The following CNTN4 variants were observed in gnomAD, a reference collection of about 807,000 sequenced individuals.
CNTN4 encodes contactin-4.
CNTN4 carries 77 observed loss-of-function variants against 122.5 expected under a neutral mutation model. That is an observed-to-expected ratio of 0.63 (90% confidence interval 0.52 to 0.76). CNTN4 has a LOEUF of 0.76. CNTN4 is among the 30% of genes least tolerant of loss of function. The pLI is 0.00. For missense variants in CNTN4, 1,256 were observed against 1,259.1 expected (o/e 1.00, Z 0.04); for synonymous variants, 512 against 447.0 (o/e 1.15, Z -1.83).
intron 7 of CNTN4, among the ~76,000 whole-genome samples, chr3:2,824,397 C>T (rs987843661): frequency 5.9e-5 from 9 of 151,592 alleles, no homozygotes; most frequent in Admixed American, 3.9e-4. Flanking sequence ...GTGGAGGTTG[C>T]GGTGAGTGGA....
intron 2 of CNTN4, among the ~76,000 whole-genome samples, chr3:2,223,415 A>G (rs2039141983): frequency 6.6e-6 from 1 of 152,122 alleles, no homozygotes; most frequent in African/African-American, 2.4e-5. Context: ...ATAAGCCCTT[A>G]ACTCAGTGTC....
At chr3:2,254,592 G>A (rs544426155) in intron 2 of CNTN4, among the ~76,000 whole-genome samples, 6 of 152,250 alleles carry the variant, frequency 3.9e-5, no homozygotes, top group South Asian at 4.1e-4. Context: ...TCTAACTGGC[G>A]TGAGATGGTA....
At position 2,376,001 on chromosome 3, in the gene CNTN4, C is replaced by G. The variant is rs574953273; in HGVS notation, c.-89+36768C>G. 2.6e-5 allele frequency among the ~76,000 whole-genome samples: 4 copies of G among 152,090 alleles called. No individual in the cohort carries two copies. In the East Asian group the frequency reaches 5.8e-4, roughly 22 times the overall value. On this transcript the variant is annotated intron_variant, in intron 3 of 24. Transcript: ENST00000418658. Reference sequence around the variant, plus strand: ...TATTTTTCTTTCTTCTCTGACTTTGCCATTTATTGAAGCATAGACGGGTGC... The same window carrying G: ...TATTTTTCTTTCTTCTCTGACTTTGGCATTTATTGAAGCATAGACGGGTGC...
intron 2 of CNTN4, among the ~76,000 whole-genome samples, chr3:2,116,003 C>G (rs1275723430): frequency 6.6e-6 from 1 of 152,152 alleles, no homozygotes; most frequent in Non-Finnish European, 1.5e-5. Context: ...AGACTTAAAT[C>G]TTTCTCGAAG....
intron 4 of CNTN4, among the ~76,000 whole-genome samples, chr3:2,652,506 T>C (rs922735295): frequency 2.6e-5 from 4 of 152,256 alleles, no homozygotes; most frequent in Non-Finnish European, 2.9e-5. Flanking sequence ...GGGCATGGCA[T>C]TGAAACTGAA....
At chr3:2,318,488 C>G (rs1376580459) in intron 2 of CNTN4, among the ~76,000 whole-genome samples, 1 of 152,126 alleles carries the variant, frequency 6.6e-6, no homozygotes, top group Non-Finnish European at 1.5e-5. Flanking sequence ...TTCATTGAAG[C>G]ATTTGTATAA....
chr3:3,007,655 A>G (rs1191406659), intron 14 of CNTN4, among the ~76,000 whole-genome samples: 1 of 152,174 alleles, frequency 6.6e-6, no homozygotes. Context: ...TACCCTATTA[A>G]AAAGAGAGAA....
At chr3:2,326,138 C>G (rs906464935) in intron 2 of CNTN4, among the ~76,000 whole-genome samples, 3 of 152,078 alleles carry the variant, frequency 2.0e-5, no homozygotes, top group Admixed American at 2.0e-4. Flanking sequence ...GTTGCTTTCC[C>G]AAATGTGGGT....
At chr3:2,674,656 G>A (rs1044783268) in intron 4 of CNTN4, among the ~76,000 whole-genome samples, 2 of 152,148 alleles carry the variant, frequency 1.3e-5, no homozygotes, top group Non-Finnish European at 2.9e-5. Flanking sequence ...TACTGGGGAG[G>A]TGGAGGCAGG....
intron 13 of CNTN4, among the ~76,000 whole-genome samples, chr3:2,953,013 A>T (rs2094762094): frequency 6.6e-6 from 1 of 152,232 alleles, no homozygotes; most frequent in African/African-American, 2.4e-5. Flanking sequence ...AAGCTCATCA[A>T]CATCAACTAA....
At chr3:2,548,896 C>T (rs993714826) in intron 3 of CNTN4, among the ~76,000 whole-genome samples, 1 of 151,990 alleles carries the variant, frequency 6.6e-6, no homozygotes, top group Non-Finnish European at 1.5e-5. Context: ...CTTTGCATCC[C>T]TTGTAAGGTG....
chr3:2,168,862 C>T (rs1173481400), intron 2 of CNTN4, among the ~76,000 whole-genome samples: 1 of 151,840 alleles, frequency 6.6e-6, no homozygotes, highest in Non-Finnish European at 1.5e-5. Context: ...TTTGTTTTTT[C>T]GAAAAGAAAA....
intron 3 of CNTN4, among the ~76,000 whole-genome samples, chr3:2,392,849 C>T (rs72996044): frequency 0.041 from 6,307 of 152,078 alleles, 402 homozygotes; most frequent in Admixed American, 0.19. Flanking sequence ...TGGGTGGCTT[C>T]AACAATAACA....
At chr3:2,553,022 C>T (rs746293679) in intron 3 of CNTN4, among the ~76,000 whole-genome samples, 10 of 152,150 alleles carry the variant, frequency 6.6e-5, no homozygotes, top group Non-Finnish European at 1.2e-4. Flanking sequence ...TGGAAAACGA[C>T]GGTGTCTAGT....
At chr3:2,431,957 ATAGGCCAGATTATCTCAT>A (rs1326284945) in intron 3 of CNTN4, among the ~76,000 whole-genome samples, 1 of 152,194 alleles carries the variant, frequency 6.6e-6, no homozygotes. Flanking sequence ...ATTTTAAGAA[ATAGGCCAGATTATCTCAT>A]CTATCTTATT....
intron 2 of CNTN4, among the ~76,000 whole-genome samples, chr3:2,307,768 G>A (rs1026701725): frequency 6.6e-6 from 1 of 151,904 alleles, no homozygotes; most frequent in East Asian, 1.9e-4. Context: ...GAATAATCTG[G>A]TCTATATCAT....
intron 7 of CNTN4, among the ~76,000 whole-genome samples, chr3:2,821,605 T>C (rs1233191736): frequency 6.6e-6 from 1 of 152,172 alleles, no homozygotes; most frequent in Non-Finnish European, 1.5e-5. Flanking sequence ...ATAATTTTAC[T>C]AGTAAGGGAG....
intron 7 of CNTN4, among the ~76,000 whole-genome samples, chr3:2,855,936 GT>G (rs1033951596): frequency 6.6e-6 from 1 of 151,906 alleles, no homozygotes; most frequent in Non-Finnish European, 1.5e-5. Context: ...TAGTCCAGAG[GT>G]TTTTTTTGTT....
At chr3:2,886,695 G>T (rs1162742388) in intron 9 of CNTN4, among the ~76,000 whole-genome samples, 1 of 151,498 alleles carries the variant, frequency 6.6e-6, no homozygotes, top group Non-Finnish European at 1.5e-5. Context: ...TGTATTTTTA[G>T]TAGAGACGGG....
Sources: gnomAD v4.1 joint callset for allele counts (sites outside exome capture counted in the v4.1 genomes callset) on GRCh38, gnomAD v4.1.1 for gene constraint, MANE v1.5 for transcripts, NCBI Gene and HGNC (gene_info 2026-07-23, HGNC 2026-07-21) for gene names.